Variants in FBN2 observed in about 807,000 individuals in gnomAD.
FBN2 encodes the protein fibrillin 2, also known as fibrillin-2.
FBN2 carries 105 observed loss-of-function variants against 355.6 expected under a neutral mutation model. The ratio of observed to expected loss-of-function variants is 0.30; its 90% CI spans 0.25 to 0.35. FBN2 has a LOEUF of 0.35. FBN2 is among the 10% of genes least tolerant of loss of function. The pLI is 1.00. For missense variants in FBN2, 3,280 were observed against 3,758.7 expected, an observed-to-expected ratio of 0.87 and a Z score of 3.33; for synonymous variants, 1,350 against 1,301.2, an observed-to-expected ratio of 1.04 and a Z score of -0.81.
intron 41 of FBN2, among the ~76,000 whole-genome samples, chr5:128,309,024 G>C (rs1441848373): frequency 6.6e-6 from 1 of 152,154 alleles, no homozygotes; most frequent in Non-Finnish European, 1.5e-5. Context: ...TTCAGCAATG[G>C]ATCTTATTTT....
At chr5:128,523,885 A>G (rs755278596) in intron 4 of FBN2, among the ~76,000 whole-genome samples, 8 of 152,006 alleles carry the variant, frequency 5.3e-5, no homozygotes, top group Non-Finnish European at 1.2e-4. Context: ...AGCATTGTTC[A>G]CTAGCACCAC....
intron 64 of FBN2, among the ~76,000 whole-genome samples, chr5:128,260,815 A>C (rs1764945711): frequency 6.6e-6 from 1 of 152,200 alleles, no homozygotes; most frequent in African/African-American, 2.4e-5. Flanking sequence ...TGTCCAATTC[A>C]CACAGCCAGC....
At chr5:128,360,579 CTAAT>C (rs1751614154) in intron 19 of FBN2, among the ~76,000 whole-genome samples, 1 of 151,328 alleles carries the variant, frequency 6.6e-6, no homozygotes, top group Admixed American at 6.6e-5. Flanking sequence ...TTTCTTTAGG[CTAAT>C]TACTGTTTTT....
intron 34 of FBN2, among the ~76,000 whole-genome samples, chr5:128,322,080 A>T (rs1750391215): frequency 6.6e-6 from 1 of 152,108 alleles, no homozygotes; most frequent in African/African-American, 2.4e-5. Flanking sequence ...TTGGCCTCAT[A>T]AATGTTTTCT....
chr5:128,450,848 A>G (rs1389079437), intron 6 of FBN2, among the ~76,000 whole-genome samples: 1 of 152,126 alleles, frequency 6.6e-6, no homozygotes, highest in Non-Finnish European at 1.5e-5. Flanking sequence ...AAGCTTACAT[A>G]ATAGATTTAT....
intron 34 of FBN2, chr5:128,327,971 C>G: frequency 6.6e-6 from 1 of 152,360 alleles, no homozygotes; most frequent in African/African-American, 2.4e-5. Flanking sequence ...TTCTGTGAAT[C>G]ATAAATTCTA....
intron 7 of FBN2, among the ~76,000 whole-genome samples, chr5:128,425,040 C>T (rs1753450247): frequency 6.7e-6 from 1 of 149,200 alleles, no homozygotes; most frequent in Non-Finnish European, 1.5e-5. Context: ...CTCTCTCTGT[C>T]CCTCTGTCTT....
rs376586153 is a variant in FBN2 at position 128,341,745 on chromosome 5, C to T, written c.3343+2640G>A. The stretch of plus-strand genomic sequence containing the variant: ...ACTTCTGCTTTCCTCCCTTCCCTTC[C>T]TCATTGTTCATCCCAGGAGCAAGCC... On this transcript the variant is annotated intron_variant, in intron 25 of 64. Coordinates refer to ENST00000262464, the MANE Select transcript of FBN2 (RefSeq NM_001999.4). 1.3e-5 allele frequency among the ~76,000 whole-genome samples: 2 copies of T among 152,228 alleles called. 1 individual carries two copies. The highest frequency in any genetic ancestry group is 4.1e-4 in the South Asian group (2 of 4,830).
intron 46 of FBN2, among the ~76,000 whole-genome samples, chr5:128,302,665 T>C (rs574145280): frequency 2.6e-5 from 4 of 152,286 alleles, no homozygotes; most frequent in African/African-American, 9.6e-5. Flanking sequence ...TTTGATCTCA[T>C]TAAGGAAATA....
At chr5:128,318,813 T>C (rs1158851917) in intron 35 of FBN2, 66 bp downstream of exon 35, 2 of 1,550,126 alleles carry the variant, frequency 1.3e-6, no homozygotes, top group Admixed American at 1.7e-5. Context: ...TCAGGAATTT[T>C]TATGCTTAGC....
Position 128,311,909 on chromosome 5 carries a change from T to C in FBN2, c.4924A>G (p.Asn1642Asp), listed in dbSNP as rs147311159. Residue 1642 changes from asparagine (N) to aspartate (D), a missense_variant, in exon 38 of 65, where the codon AAC becomes GAC. By Grantham distance (23) the Asn-to-Asp change is conservative. Around this residue, in one of 6 missense-constraint regions of FBN2, gnomAD observed 2,284 missense variants for 2,749.5 expected, o/e 0.83. Transcript: ENST00000262464. The stretch of plus-strand genomic sequence containing the variant: ...CCTTCTAAAATGATTGTGATGGGGT[T>C]AGGTCTGAAGCCTTCACCTCCGGGA... ...LCPGGEGFRPNPITIILEDID... is the reference protein window; with the variant it reads ...LCPGGEGFRPDPITIILEDID... 2 of 1,611,914 alleles carry C rather than the reference T, an allele frequency of 1.2e-6. No individual in the cohort carries two copies. The highest frequency in any genetic ancestry group is 1.7e-6 in the Non-Finnish European group (2 of 1,178,084).
chr5:128,286,967 G>A (rs2126817013), intron 54 of FBN2, 118 bp from the exon 55 acceptor site: 1 of 1,019,128 alleles, frequency 9.8e-7, no homozygotes, highest in East Asian at 2.6e-5. Flanking sequence ...ACAGAGAAAG[G>A]AGAAGCCCAG....
At chr5:128,479,934 C>G (rs1235170678) in intron 5 of FBN2, among the ~76,000 whole-genome samples, 2 of 41,392 alleles carry the variant, frequency 4.8e-5, no homozygotes, top group African/African-American at 5.8e-5. Flanking sequence ...CTCCTTGTCT[C>G]TCTCTCTCTC....
intron 4 of FBN2, among the ~76,000 whole-genome samples, chr5:128,522,523 G>GAATAC: frequency 6.6e-6 from 1 of 152,176 alleles, no homozygotes; most frequent in South Asian, 2.1e-4. Context: ...GCACGCTGAA[G>GAATAC]GTATTCTACA....
chr5:128,409,497 G>A (rs1753011780), intron 7 of FBN2, among the ~76,000 whole-genome samples: 1 of 152,090 alleles, frequency 6.6e-6, no homozygotes, highest in Non-Finnish European at 1.5e-5. Context: ...TTTCCTTAAA[G>A]CAGAAAACCC....
At chr5:128,500,228 T>TCAACAACAACAA (rs60501095) in intron 5 of FBN2, among the ~76,000 whole-genome samples, 83 of 149,050 alleles carry the variant, frequency 5.6e-4, no homozygotes, top group African/African-American at 1.9e-3. Flanking sequence ...ACAGCTAATA[T>TCAACAACAACAA]CAACAACAAC....
At chr5:128,450,161 G>C (rs1179912693) in intron 6 of FBN2, among the ~76,000 whole-genome samples, 1 of 151,980 alleles carries the variant, frequency 6.6e-6, no homozygotes, top group African/African-American at 2.4e-5. Context: ...TATTAGACTT[G>C]AACCATATTT....
intron 4 of FBN2, among the ~76,000 whole-genome samples, chr5:128,521,074 C>A (rs1357936138): frequency 7.9e-5 from 12 of 152,224 alleles, no homozygotes; most frequent in East Asian, 5.8e-4. Context: ...TGCGTATGTT[C>A]ATTGCAGCAC....
chr5:128,259,386 T>G lies in FBN2; in HGVS notation c.*69A>C, dbSNP rs937312867. ...TATTTTTCCTCTTTAAAATTAGTCC[T>G]TGACTTTTCAAATGCTTCTGCAGAC... On this transcript the variant is annotated 3_prime_UTR_variant, in exon 65 of 65. Transcript: ENST00000262464. 6.3e-7 allele frequency: 1 copy of G among 1,577,204 alleles called. No homozygotes were observed.
Sources: gnomAD v4.1 joint callset for allele counts (sites outside exome capture counted in the v4.1 genomes callset) on GRCh38, gnomAD v4.1.1 for gene constraint, gnomAD v4.1.1 regional missense constraint, MANE v1.5 for transcripts, NCBI Gene and HGNC (gene_info 2026-07-23, HGNC 2026-07-21) for gene names.